The following ADAMTS16 variants were observed in gnomAD, a reference collection of about 807,000 sequenced individuals.
ADAMTS16 encodes the protein ADAM metallopeptidase with thrombospondin type 1 motif 16.
ADAMTS16 carries 94 observed loss-of-function variants against 145.8 expected under a neutral mutation model. That is an observed-to-expected ratio of 0.64 (90% confidence interval 0.55 to 0.77). The LOEUF (loss-of-function observed/expected upper bound fraction) is 0.77. Among genes scored for constraint, ADAMTS16 ranks in the 30% least tolerant of loss-of-function variants. The probability of loss-of-function intolerance (pLI) is 0.00; values close to 1 mark genes in which losing one functional copy is unlikely to be tolerated. For missense variants in ADAMTS16, 1,585 were observed against 1,591.5 expected (o/e 1.00, Z 0.07); for synonymous variants, 659 against 604.3 (o/e 1.09, Z -1.33).
chr5:5,190,796 G>T (rs753496950), intron 7 of ADAMTS16, among the ~76,000 whole-genome samples: 1 of 152,152 alleles, frequency 6.6e-6, no homozygotes, highest in Non-Finnish European at 1.5e-5. Flanking sequence ...TGTCCCGGCT[G>T]CTTGTCCTTA....
chr5:5,157,745 G>A (rs1232328636), intron 3 of ADAMTS16, among the ~76,000 whole-genome samples: 2 of 152,090 alleles, frequency 1.3e-5, no homozygotes, highest in South Asian at 4.2e-4. Context: ...TTCTTCTTAG[G>A]TGAAAAAAAG....
intron 18 of ADAMTS16, among the ~76,000 whole-genome samples, chr5:5,286,802 G>A (rs1739120383): frequency 7.0e-6 from 1 of 142,780 alleles, no homozygotes; most frequent in South Asian, 2.3e-4. Flanking sequence ...AGTTTGCAGT[G>A]AGCCGAGATA....
chr5:5,248,547 T>C (rs1389172725), intron 17 of ADAMTS16, among the ~76,000 whole-genome samples: 1 of 152,246 alleles, frequency 6.6e-6, no homozygotes, highest in Non-Finnish European at 1.5e-5. Context: ...GGCATTCAAA[T>C]AGATTCTGTG....
At chr5:5,308,557 C>T (rs1299901787) in intron 21 of ADAMTS16, among the ~76,000 whole-genome samples, 2 of 152,146 alleles carry the variant, frequency 1.3e-5, no homozygotes, top group Non-Finnish European at 2.9e-5. Flanking sequence ...CTCAACCTCC[C>T]CCAGGGCCTG....
intron 17 of ADAMTS16, among the ~76,000 whole-genome samples, chr5:5,254,016 G>T (rs1282441735): frequency 2.0e-5 from 3 of 152,172 alleles, no homozygotes; most frequent in Non-Finnish European, 4.4e-5. Context: ...TCTCTCGTCA[G>T]TCCTACACCT....
At chr5:5,278,178 G>T (rs1738773023) in intron 18 of ADAMTS16, among the ~76,000 whole-genome samples, 1 of 152,108 alleles carries the variant, frequency 6.6e-6, no homozygotes. Flanking sequence ...AGAAGTCACA[G>T]CTCCCTGCCC....
chr5:5,158,244 G>C (rs1734650277), intron 3 of ADAMTS16, among the ~76,000 whole-genome samples: 1 of 152,174 alleles, frequency 6.6e-6, no homozygotes, highest in African/African-American at 2.4e-5. Context: ...TTAAAGGGCA[G>C]CACCATGATT....
chr5:5,315,154 G>C (rs962803327), intron 21 of ADAMTS16, among the ~76,000 whole-genome samples: 3 of 152,194 alleles, frequency 2.0e-5, no homozygotes, highest in African/African-American at 7.2e-5. Flanking sequence ...GCAAGGAGAA[G>C]TGCTGAGGAA....
In ADAMTS16 at chr5:5,303,643, A is replaced by G. The variant is rs760076669; in HGVS notation, c.3063A>G (p.Arg1021=). Residue 1021 remains arginine (R), a synonymous_variant, in exon 20 of 23, where the codon AGA becomes AGG. Coordinates refer to ENST00000274181, the MANE Select transcript of ADAMTS16 (RefSeq NM_139056.4). ...VACKSTNPSA[R]AQLLPDAVCT... is the part of the protein sequence containing the mutation. ...GTAAGAGCACCAACCCCTCGGCCAG[A>G]GCGCAGCTGCTGCCCGACGCTGTCT... The G allele has an allele frequency of 1.2e-6, 2 of 1,614,056 alleles. No homozygotes were observed. The highest frequency in any genetic ancestry group is 1.7e-6 in the Non-Finnish European group (2 of 1,180,028).
intron 17 of ADAMTS16, among the ~76,000 whole-genome samples, chr5:5,248,291 G>C (rs1482144992): frequency 6.6e-6 from 1 of 152,134 alleles, no homozygotes; most frequent in East Asian, 1.9e-4. Flanking sequence ...CTTCTAGACA[G>C]CCTGGCAAAC....
intron 11 of ADAMTS16, among the ~76,000 whole-genome samples, chr5:5,226,057 G>A (rs781445060): frequency 6.6e-6 from 1 of 152,096 alleles, no homozygotes; most frequent in African/African-American, 2.4e-5. Context: ...TTCCATCTTC[G>A]CATCTCTCTA....
intron 18 of ADAMTS16, among the ~76,000 whole-genome samples, chr5:5,288,500 C>G (rs938524705): frequency 6.6e-6 from 1 of 152,190 alleles, no homozygotes; most frequent in Non-Finnish European, 1.5e-5. Flanking sequence ...TAACTTGACA[C>G]TGATTCAATA....
In ADAMTS16 at chr5:5,209,161, T is replaced by C. The variant is rs758320727; in HGVS notation, c.1520T>C (p.Leu507Ser). ...AAGGAATACAAGTATCCTGAGAAAT[T>C]GCCAGGAGAATTATATGATGCAAAC... is the stretch of plus-strand genomic sequence containing the variant. Reference protein sequence around the residue: ...PVKEYKYPEKLPGELYDANTQ... With the variant: ...PVKEYKYPEKSPGELYDANTQ... Residue 507 changes from leucine to serine, a missense_variant, in exon 10 of 23, where the codon TTG becomes TCG. Physicochemically the swap from Leu to Ser is moderately radical, Grantham distance 145 (BLOSUM62 -2). Around this residue, in one of 3 missense-constraint regions of ADAMTS16, gnomAD observed 298 missense variants for 367.6 expected, o/e 0.81. Coordinates refer to ENST00000274181, the MANE Select transcript of ADAMTS16 (RefSeq NM_139056.4). The C allele has an allele frequency of 6.2e-7, 1 of 1,614,032 alleles. No homozygotes were observed. The highest frequency in any genetic ancestry group is 1.3e-5 in the African/African-American group (1 of 75,042).
chr5:5,272,824 T>C (rs116045281), intron 18 of ADAMTS16, among the ~76,000 whole-genome samples: 45 of 152,330 alleles, frequency 3.0e-4, no homozygotes, highest in African/African-American at 9.6e-4. Context: ...AAATCTACTA[T>C]GCATTCATTA....
At chr5:5,146,477 G>C (rs762544197) in intron 3 of ADAMTS16, 22 bp downstream of exon 3, 45 of 1,573,644 alleles carry the variant, frequency 2.9e-5, no homozygotes, top group Non-Finnish European at 3.8e-5. Flanking sequence ...GCAAGCCCCA[G>C]GTAGGGAGGC....
intron 18 of ADAMTS16, among the ~76,000 whole-genome samples, chr5:5,265,297 C>G (rs1271442064): frequency 1.3e-5 from 2 of 152,180 alleles, no homozygotes; most frequent in African/African-American, 4.8e-5. Context: ...AGTGAACTCA[C>G]CTTCGATCAG....
At chr5:5,316,693 C>T (rs1022718468) in intron 21 of ADAMTS16, among the ~76,000 whole-genome samples, 3 of 152,140 alleles carry the variant, frequency 2.0e-5, no homozygotes, top group Admixed American at 1.3e-4. Context: ...AATAGGATGC[C>T]AACACCTTAG....
intron 3 of ADAMTS16, among the ~76,000 whole-genome samples, chr5:5,164,056 C>T (rs931500462): frequency 1.3e-5 from 2 of 152,166 alleles, no homozygotes; most frequent in Non-Finnish European, 2.9e-5. Flanking sequence ...GAAGGAAGAT[C>T]TTCTGAGATG....
At chr5:5,258,074 AC>A (rs1454525003) in intron 17 of ADAMTS16, among the ~76,000 whole-genome samples, 2 of 152,146 alleles carry the variant, frequency 1.3e-5, no homozygotes, top group African/African-American at 2.4e-5. Context: ...TGGGATGTGC[AC>A]CCCCACCATG....
Sources: allele counts gnomAD v4.1 joint callset (sites outside exome capture counted in the v4.1 genomes callset), GRCh38; gene constraint gnomAD v4.1.1; regional missense constraint gnomAD v4.1.1; transcripts MANE v1.5; gene names NCBI Gene and HGNC (gene_info 2026-07-23, HGNC 2026-07-21).